Variants in XIRP2 observed in about 807,000 individuals in gnomAD.
XIRP2 encodes the protein xin actin-binding repeat-containing protein 2.
XIRP2 carries 236 observed loss-of-function variants against 277.0 expected under a neutral mutation model. The ratio of observed to expected loss-of-function variants is 0.85; its 90% CI spans 0.77 to 0.95. The LOEUF is 0.95. Ranked by LOEUF, XIRP2 falls within the 40% of genes least tolerant of loss-of-function variation. XIRP2 has a pLI of 0.00. For missense variants in XIRP2, 4,640 were observed against 4,157.5 expected, an observed-to-expected ratio of 1.12 and a Z score of -3.19; for synonymous variants, 1,490 against 1,416.5, an observed-to-expected ratio of 1.05 and a Z score of -1.17.
rs761709211 is a variant in XIRP2, at chr2:167,245,546, G to C, written c.4154G>C (p.Ser1385Thr). 1.2e-6 allele frequency: 2 copies of C among 1,613,600 alleles called. No homozygotes were observed. Among genetic ancestry groups the C allele is most frequent in the South Asian group, 2.2e-5 (2 of 91,076 alleles). Residue 1385 changes from serine to threonine, a missense_variant, in exon 9 of 11, where the codon AGT becomes ACT. Transcript: ENST00000409195. Reference protein sequence around the residue: ...TQEDIQKGDVSSVRYRFETQP... With the variant: ...TQEDIQKGDVTSVRYRFETQP... ...GAAGACATTCAGAAGGGAGATGTTA[G>C]TTCTGTCAGATACAGATTTGAAACT...
At chr2:167,218,449 T>A in intron 5 of XIRP2, 149 bp downstream of exon 5, 1 of 963,410 alleles carries the variant, frequency 1.0e-6, no homozygotes, top group Non-Finnish European at 1.4e-6. Context: ...TAGAAAATCA[T>A]CTTTAAAGCA....
chr2:167,026,119 C>T (rs1294393846), intron 2 of XIRP2, among the ~76,000 whole-genome samples: 7 of 152,098 alleles, frequency 4.6e-5, no homozygotes, highest in Non-Finnish European at 8.8e-5. Context: ...TCAGGACTTG[C>T]TTTATGAATC....
chr2:166,943,265 A>G (rs1039507736), intron 2 of XIRP2, among the ~76,000 whole-genome samples: 4 of 152,182 alleles, frequency 2.6e-5, no homozygotes, highest in African/African-American at 9.7e-5. Flanking sequence ...AAAATAGATA[A>G]TATATAATCC....
intron 3 of XIRP2, among the ~76,000 whole-genome samples, chr2:167,185,849 A>G (rs1211425496): frequency 6.6e-6 from 1 of 152,192 alleles, no homozygotes; most frequent in Non-Finnish European, 1.5e-5. Context: ...TTTCATCTTC[A>G]TAACACCAAT....
At chr2:166,974,895 C>T (rs1283088060) in intron 2 of XIRP2, among the ~76,000 whole-genome samples, 1 of 151,852 alleles carries the variant, frequency 6.6e-6, no homozygotes, top group African/African-American at 2.4e-5. Context: ...TAAATGAATC[C>T]TATTTTAAAA....
At chr2:166,905,923 T>C (rs1047322957) in intron 2 of XIRP2, among the ~76,000 whole-genome samples, 2 of 151,976 alleles carry the variant, frequency 1.3e-5, no homozygotes. Context: ...ACATACAACT[T>C]AATTATTAGT....
At chr2:166,907,772 AC>A (rs895823956) in intron 2 of XIRP2, among the ~76,000 whole-genome samples, 1 of 39,068 alleles carries the variant, frequency 2.6e-5, no homozygotes. Context: ...CCCTCCCCCC[AC>A]CCCATGACAG....
At chr2:167,008,402 AG>A (rs1165898449) in intron 2 of XIRP2, among the ~76,000 whole-genome samples, 1 of 151,606 alleles carries the variant, frequency 6.6e-6, no homozygotes, top group African/African-American at 2.4e-5. Context: ...ACTGTAATAA[AG>A]AAGCTATAAT....
intron 2 of XIRP2, among the ~76,000 whole-genome samples, chr2:167,085,822 G>A (rs1043095358): frequency 0.013 from 1,906 of 151,874 alleles, 49 homozygotes; most frequent in African/African-American, 0.044. Context: ...CTTTTATTTT[G>A]AGCCTATGTG....
chr2:167,133,866 G>C (rs993305480), intron 2 of XIRP2, among the ~76,000 whole-genome samples: 1 of 152,190 alleles, frequency 6.6e-6, no homozygotes, highest in African/African-American at 2.4e-5. Flanking sequence ...TGGCATGTCT[G>C]ACACTGTGTC....
Position 167,244,537 on chromosome 2 carries a change from A to G in XIRP2, c.3145A>G (p.Thr1049Ala). ...AGGAATATCTGCTCAAGAAATACAG[A>G]CTGGAAATGTGAAATCTGCCAAATG... is the stretch of plus-strand genomic sequence containing the variant. Reference protein sequence around the residue: ...IRGISAQEIQTGNVKSAKWLF... With the variant: ...IRGISAQEIQAGNVKSAKWLF... Residue 1049 changes from threonine (T) to alanine (A), a missense_variant, in exon 9 of 11, where the codon ACT becomes GCT. Thr to Ala is a moderately conservative substitution (Grantham distance 58). Transcript: ENST00000409195. 1.2e-6 allele frequency: 2 copies of G among 1,613,292 alleles called. No individual in the cohort carries two copies. The highest frequency in any genetic ancestry group is 1.7e-6 in the Non-Finnish European group (2 of 1,179,684).
intron 2 of XIRP2, among the ~76,000 whole-genome samples, chr2:167,007,858 G>A (rs1240058842): frequency 3.3e-5 from 5 of 151,466 alleles, no homozygotes; most frequent in Non-Finnish European, 5.9e-5. Context: ...AAATGTGGAA[G>A]GGGAAGTATT....
chr2:166,946,391 G>T (rs557168446), intron 2 of XIRP2, among the ~76,000 whole-genome samples: 1 of 152,238 alleles, frequency 6.6e-6, no homozygotes, highest in South Asian at 2.1e-4. Context: ...ATCTCACCCA[G>T]ACAAGGAGAA....
At chr2:166,943,369 C>G (rs967574483) in intron 2 of XIRP2, among the ~76,000 whole-genome samples, 5 of 152,162 alleles carry the variant, frequency 3.3e-5, no homozygotes, top group Admixed American at 2.0e-4. Context: ...CATGAAATGG[C>G]TCTGCTCTCT....
chr2:167,173,316 C>T (rs554805543), intron 3 of XIRP2, among the ~76,000 whole-genome samples: 1 of 152,294 alleles, frequency 6.6e-6, no homozygotes, highest in African/African-American at 2.4e-5. Flanking sequence ...CATCCTTTTA[C>T]CGTCTATGTC....
intron 9 of XIRP2, among the ~76,000 whole-genome samples, chr2:167,253,122 A>G (rs764256335): frequency 6.6e-6 from 1 of 151,960 alleles, no homozygotes; most frequent in Non-Finnish European, 1.5e-5. Flanking sequence ...GAACCTGAGC[A>G]TATTTTCTTT....
intron 2 of XIRP2, 65 bp from the exon 3 acceptor site, chr2:167,135,844 C>A: frequency 7.1e-7 from 1 of 1,402,184 alleles, no homozygotes; most frequent in Non-Finnish European, 9.4e-7. Context: ...TCTAACCCCC[C>A]TAAAAAACAC....
chr2:167,238,538 A>G (rs1249776259), intron 5 of XIRP2, among the ~76,000 whole-genome samples: 1 of 152,164 alleles, frequency 6.6e-6, no homozygotes, highest in African/African-American at 2.4e-5. Flanking sequence ...AAAAAGTCTC[A>G]TACATCTACT....
chr2:167,164,522 A>G (rs1021783468), intron 3 of XIRP2, among the ~76,000 whole-genome samples: 1 of 148,686 alleles, frequency 6.7e-6, no homozygotes, highest in Non-Finnish European at 1.5e-5. Context: ...CAGAGTTGTT[A>G]TTGTAATATT....
Sources: gnomAD v4.1 joint callset for allele counts (sites outside exome capture counted in the v4.1 genomes callset) on GRCh38, gnomAD v4.1.1 for gene constraint, MANE v1.5 for transcripts, NCBI Gene and HGNC (gene_info 2026-07-23, HGNC 2026-07-21) for gene names.